PTPRQ: variants seen among roughly 807,000 people sequenced by gnomAD.
PTPRQ encodes phosphatidylinositol phosphatase PTPRQ.
Under a neutral mutation model 246.0 loss-of-function variants are expected in PTPRQ, and 199 were observed. That is an observed-to-expected ratio of 0.81 (90% CI 0.72 to 0.91). The LOEUF (loss-of-function observed/expected upper bound fraction) is 0.91, where lower values mean the gene tolerates loss of function less well. Ranked by LOEUF, PTPRQ falls within the 40% of genes least tolerant of loss-of-function variation. PTPRQ has a pLI of 0.00. For synonymous variants in PTPRQ, 869 were observed against 853.2 expected, an observed-to-expected ratio of 1.02 and a Z score of -0.32; for missense variants, 2,624 against 2,528.4, an observed-to-expected ratio of 1.04 and a Z score of -0.81.
chr12:80,463,632 C>T (rs1434006194), intron 6 of PTPRQ, among the ~76,000 whole-genome samples: 1 of 151,816 alleles, frequency 6.6e-6, no homozygotes, highest in Non-Finnish European at 1.5e-5. Context: ...GTCGGGTTAC[C>T]CACAAAGGGA....
At chr12:80,599,857 T>G (rs938096928) in intron 26 of PTPRQ, among the ~76,000 whole-genome samples, 2 of 150,526 alleles carry the variant, frequency 1.3e-5, no homozygotes, top group Non-Finnish European at 3.0e-5. Flanking sequence ...TGTTATATAT[T>G]ATATATTAAT....
chr12:80,462,849 C>T (rs1054621411), intron 6 of PTPRQ: 1 of 147,834 alleles, frequency 6.8e-6, no homozygotes, highest in Non-Finnish European at 1.5e-5. Flanking sequence ...AGGACATCCA[C>T]ACCAAAAACC....
chr12:80,522,243 C>G (rs1895520356), intron 17 of PTPRQ, among the ~76,000 whole-genome samples: 2 of 152,188 alleles, frequency 1.3e-5, no homozygotes, highest in South Asian at 4.1e-4. Flanking sequence ...AGTTGCCTAT[C>G]AGCTTAAGGA....
rs370421454 is a variant in PTPRQ, at chr12:80,641,754, C to T, written c.5915+6681C>T. On this transcript the variant is annotated intron_variant, in intron 35 of 44. Transcript: ENST00000644991. ...CTCAAAGTTAACCTCTGGGCCATTC[C>T]AGACTCAGAGGCGGTTTGGTTGAGC... is the stretch of plus-strand genomic sequence containing the variant. Among the ~76,000 whole-genome samples, 5 of 152,066 alleles carry T rather than the reference C, an allele frequency of 3.3e-5. 1 individual carries two copies. The East Asian group carries it at 9.7e-4, about 29-fold the overall frequency.
In PTPRQ at chr12:80,549,635, CT is replaced by C. The variant is rs769922956; in HGVS notation, c.4188del (p.Ala1398ProfsTer9). ...PQDHMYTFIK[L>X]LANTSYVFKV... ...AGATCACATGTACACTTTCATAAAG[CT>C]TCTTGCCAATACCTCATATGTCTTT... is the stretch of plus-strand genomic sequence containing the variant. On this transcript the variant is annotated frameshift_variant, in exon 25 of 45. Coordinates refer to ENST00000644991, the MANE Select transcript of PTPRQ (RefSeq NM_001145026.2). LOFTEE classifies it high-confidence loss of function. The C allele has an allele frequency of 2.8e-5, 44 of 1,551,074 alleles. No individual in the cohort carries two copies. Among genetic ancestry groups the C allele is most frequent in the Non-Finnish European group, 3.7e-5 (42 of 1,146,610 alleles).
At position 80,616,199 on chromosome 12, in the gene PTPRQ, G is replaced by C; in HGVS notation, c.5164-1G>C. 6.8e-7 allele frequency: 1 copy of C among 1,468,342 alleles called. No individual in the cohort carries two copies. Among genetic ancestry groups the C allele is most frequent in the Non-Finnish European group, 9.0e-7 (1 of 1,106,200 alleles). The allele number at this position is 1,468,342 out of a possible 1,614,324, so 91.0% of individuals were successfully genotyped here. Reference sequence around the variant, plus strand: ...TAGTAACAAATATTTGTTTGTTTTAGGTTTACGCAGTCAATAGTGCTGGTG... The same window carrying C: ...TAGTAACAAATATTTGTTTGTTTTACGTTTACGCAGTCAATAGTGCTGGTG... On this transcript the variant is annotated splice_acceptor_variant, in intron 29 of 44. Transcript: ENST00000644991. LOFTEE classifies it high-confidence loss of function.
At position 80,673,061 on chromosome 12, in the gene PTPRQ, G is replaced by C. The variant is rs1901023855; in HGVS notation, c.6603-108G>C. On this transcript the variant is annotated intron_variant, in intron 42 of 44. Transcript: ENST00000644991. ...CCAAAGAAAATCTGCCTCCAAATAA[G>C]AGAAGAAACTATTAGAATTTATTGC... 1.1e-5 allele frequency: 15 copies of C among 1,417,974 alleles called. No individual in the cohort carries two copies. In the South Asian group the frequency reaches 2.2e-4, roughly 21 times the overall value. The allele number at this position is 1,417,974 out of a possible 1,614,324, so 87.8% of individuals were successfully genotyped here.
At chr12:80,479,153 G>A (rs1893935505) in intron 8 of PTPRQ, among the ~76,000 whole-genome samples, 1 of 151,818 alleles carries the variant, frequency 6.6e-6, no homozygotes. Flanking sequence ...TCAAAGGGAA[G>A]CCCATCAGAC....
At chr12:80,533,985 A>G (rs948761521) in intron 17 of PTPRQ, 30 bp from the exon 18 acceptor site, 14 of 1,416,938 alleles carry the variant, frequency 9.9e-6, no homozygotes, top group Admixed American at 9.7e-5. Flanking sequence ...TTAAAATTCA[A>G]TTCTACAGAT....
At chr12:80,667,827 A>G (rs1200215853) in intron 39 of PTPRQ, among the ~76,000 whole-genome samples, 1 of 151,922 alleles carries the variant, frequency 6.6e-6, no homozygotes, top group East Asian at 1.9e-4. Context: ...AAGATCCCTC[A>G]CACTTTAACT....
intron 3 of PTPRQ, among the ~76,000 whole-genome samples, chr12:80,450,932 G>A (rs1892742692): frequency 6.6e-6 from 1 of 152,110 alleles, no homozygotes; most frequent in East Asian, 1.9e-4. Flanking sequence ...TCTATTGATT[G>A]GAATAGTTTC....
In PTPRQ at chr12:80,546,564, AG is replaced by A; in HGVS notation, c.3884del (p.Gly1295AspfsTer36). The A allele has an allele frequency of 6.5e-7, 1 of 1,546,734 alleles. No individual in the cohort carries two copies. Among genetic ancestry groups the A allele is most frequent in the South Asian group, 1.2e-5 (1 of 82,102 alleles). ...TDTIYYKNIS[G>X]FKTEAKLVGL... ...TTTTTTCTGTTTTTCAGAATATATC[AG>A]GATTTAAAACTGAAGCCAAACTTGT... is the stretch of plus-strand genomic sequence containing the variant. On this transcript the variant is annotated frameshift_variant, in exon 24 of 45. Coordinates refer to ENST00000644991, the MANE Select transcript of PTPRQ (RefSeq NM_001145026.2). LOFTEE classifies it high-confidence loss of function.
intron 33 of PTPRQ, 64 bp from the exon 34 acceptor site, chr12:80,632,128 A>T (rs1899460488): frequency 1.3e-6 from 2 of 1,502,686 alleles, no homozygotes; most frequent in Admixed American, 2.3e-5. Flanking sequence ...ATTTTTTGGT[A>T]GTTTGGGATT....
At chr12:80,528,187 T>A (rs929364986) in intron 17 of PTPRQ, among the ~76,000 whole-genome samples, 35 of 152,172 alleles carry the variant, frequency 2.3e-4, no homozygotes, top group Non-Finnish European at 1.2e-4. Context: ...ATATAACTTA[T>A]ACACTTTGTA....
At chr12:80,465,538 T>G (rs867374932) in intron 6 of PTPRQ, 1 of 151,958 alleles carries the variant, frequency 6.6e-6, no homozygotes, top group East Asian at 1.9e-4. Flanking sequence ...CAAAGCCGGG[T>G]AGAGACACAA....
At chr12:80,655,205 A>G (rs996874831) in intron 38 of PTPRQ, among the ~76,000 whole-genome samples, 1 of 152,172 alleles carries the variant, frequency 6.6e-6, no homozygotes, top group Admixed American at 6.5e-5. Context: ...AGCTGAGATA[A>G]AAAATTAATC....
At position 80,620,181 on chromosome 12, in the gene PTPRQ, G is replaced by C; in HGVS notation, c.5417G>C (p.Trp1806Ser). The C allele has an allele frequency of 3.9e-6, 6 of 1,547,974 alleles. No individual in the cohort carries two copies. Among genetic ancestry groups the C allele is most frequent in the Non-Finnish European group, 5.2e-6 (6 of 1,144,814 alleles). Residue 1806 changes from tryptophan to serine, a missense_variant, in exon 32 of 45, where the codon TGG (tryptophan) becomes TCG (serine). Coordinates refer to ENST00000644991, the MANE Select transcript of PTPRQ (RefSeq NM_001145026.2). ...CAGCATGATGGAAATGTAACAAAGTGGTATGATGCATATTTTAATAAAGCA... is the reference window on the plus strand; with the variant it reads ...CAGCATGATGGAAATGTAACAAAGTCGTATGATGCATATTTTAATAAAGCA... ...GAQHDGNVTKWYDAYFNKARP... is the reference protein window; with the variant it reads ...GAQHDGNVTKSYDAYFNKARP...
intron 25 of PTPRQ, among the ~76,000 whole-genome samples, chr12:80,585,988 G>GT (rs1897604123): frequency 6.7e-6 from 1 of 149,190 alleles, no homozygotes; most frequent in African/African-American, 2.5e-5. Context: ...GTGGTGTTTG[G>GT]TTTTTTTGTT....
intron 28 of PTPRQ, among the ~76,000 whole-genome samples, chr12:80,611,448 T>A (rs1247828180): frequency 6.7e-6 from 1 of 150,332 alleles, no homozygotes; most frequent in East Asian, 1.9e-4. Flanking sequence ...AAGTTATGGT[T>A]CTAAATTAAA....
Sources: allele counts gnomAD v4.1 joint callset (sites outside exome capture counted in the v4.1 genomes callset), GRCh38; gene constraint gnomAD v4.1.1; transcripts MANE v1.5; gene names NCBI Gene and HGNC (gene_info 2026-07-23, HGNC 2026-07-21).